Variants in MTF1 observed in about 807,000 individuals in gnomAD.
MTF1 encodes the protein metal regulatory transcription factor 1.
In MTF1, 22 loss-of-function variants were observed where a neutral mutation model predicts 70.4. That is an observed-to-expected ratio of 0.31 (90% confidence interval 0.22 to 0.45). MTF1 has a LOEUF of 0.45. MTF1 is among the 20% of genes least tolerant of loss of function. The probability of loss-of-function intolerance (pLI) is 1.00; values close to 1 mark genes in which losing one functional copy is unlikely to be tolerated. For synonymous variants in MTF1, 333 were observed against 352.8 expected (o/e 0.94, Z 0.63); for missense variants, 649 against 922.0 (o/e 0.70, Z 3.83).
intron 8 of MTF1, 138 bp downstream of exon 8, chr1:37,823,570 ATT>A (rs1640951386): frequency 1.8e-6 from 1 of 559,500 alleles, no homozygotes. Context: ...AAAAGATGGA[ATT>A]AAACTGAAAG....
At chr1:37,823,599 C>G in intron 8 of MTF1, 111 bp downstream of exon 8, 1 of 748,384 alleles carries the variant, frequency 1.3e-6, no homozygotes, top group South Asian at 1.8e-5. Context: ...ACTTTCTGAC[C>G]CTTTATAGAA....
chr1:37,850,141 G>A (rs564195113), intron 2 of MTF1, among the ~76,000 whole-genome samples: 1 of 151,278 alleles, frequency 6.6e-6, no homozygotes, highest in Non-Finnish European at 1.5e-5. Context: ...TGGAGGCTGA[G>A]GTGGCAGGAC....
chr1:37,838,821 T>TTTTTTTTTA (rs1396334608), intron 3 of MTF1, 65 bp from the exon 4 acceptor site: 1 of 1,123,030 alleles, frequency 8.9e-7, no homozygotes, highest in Non-Finnish European at 1.2e-6. Context: ...TTTTTTTTTC[T>TTTTTTTTTA]GAGACAGAGT....
In MTF1 at chr1:37,820,000, C is replaced by T. The variant is rs1569847118; in HGVS notation, c.1767+2121G>A. 1.5e-5 allele frequency among the ~76,000 whole-genome samples: 2 copies of T among 137,646 alleles called. 1 individual carries two copies. Among genetic ancestry groups the T allele is most frequent in the Non-Finnish European group, 3.1e-5 (2 of 65,318 alleles). 90.3% of individuals were successfully genotyped at this position (137,646 alleles called of 152,430 possible). On this transcript the variant is annotated intron_variant, in intron 9 of 10. Transcript: ENST00000373036. ...AAAAAAAAAAAGGAGAAGTGAGACC[C>T]TAAATATCTGAAAAGAAAATGGATG...
intron 6 of MTF1, chr1:37,834,596 G>C: frequency 2.2e-6 from 1 of 456,116 alleles, no homozygotes. Flanking sequence ...TTGTGGAGTG[G>C]ACAGAAGAGG....
chr1:37,840,258 C>A lies in MTF1; in HGVS notation c.409-100G>T, dbSNP rs1054994888. On this transcript the variant is annotated intron_variant, in intron 2 of 10. Coordinates refer to ENST00000373036, the MANE Select transcript of MTF1 (RefSeq NM_005955.3). This position sits in a 1 kb window ranked among gnomAD's most constrained non-coding sequence, Gnocchi z 4.5. ...CTCCCAAGAGATGCTGTGGACAATA[C>A]AACTGGGTTTTCATCATAAACACAG... 1.8e-5 allele frequency: 19 copies of A among 1,072,146 alleles called. No individual in the cohort carries two copies. Among genetic ancestry groups the A allele is most frequent in the Non-Finnish European group, 2.6e-5 (19 of 718,700 alleles). The allele number at this position is 1,072,146 out of a possible 1,614,324, so 66.4% of individuals were successfully genotyped here.
At chr1:37,845,495 TTTA>T (rs1183967494) in intron 2 of MTF1, among the ~76,000 whole-genome samples, 1 of 152,156 alleles carries the variant, frequency 6.6e-6, no homozygotes, top group African/African-American at 2.4e-5. Flanking sequence ...TTGTTTGATT[TTTA>T]TTGATTGATT....
At chr1:37,852,635 C>CAT (rs1641433276) in intron 2 of MTF1, among the ~76,000 whole-genome samples, 2 of 148,342 alleles carry the variant, frequency 1.3e-5, no homozygotes, top group Non-Finnish European at 1.5e-5. Context: ...GATTCAAAAC[C>CAT]TTTTTTTTTT....
intron 2 of MTF1, among the ~76,000 whole-genome samples, chr1:37,847,546 C>T (rs1298662986): frequency 6.6e-6 from 1 of 152,230 alleles, no homozygotes; most frequent in East Asian, 1.9e-4. Flanking sequence ...GAGCCCTTAG[C>T]TCTGCCTGGT....
rs1641516726 is a variant in MTF1 at position 37,857,527 on chromosome 1, A to G, written c.132T>C (p.Tyr44=). The change falls in exon 2 of 11, where the codon TAT becomes TAC. Residue 44 remains tyrosine (Y), a synonymous_variant. Transcript: ENST00000373036. ...GLVPSSSGTV[Y]DRTTVLIEQD... ...GCTCAATAAGAACAGTGGTCCTATC[A>G]TAAACAGTTCCAGATGAGGAAGGCA... 1.2e-6 allele frequency: 2 copies of G among 1,614,096 alleles called. No individual in the cohort carries two copies. Among genetic ancestry groups the G allele is most frequent in the African/African-American group, 1.3e-5 (1 of 74,946 alleles).
chr1:37,859,476 TC>T, intron 1 of MTF1, 54 bp downstream of exon 1: 1 of 398,688 alleles, frequency 2.5e-6, no homozygotes, highest in East Asian at 3.6e-5. Flanking sequence ...GGAGCCTAAG[TC>T]CCGCGCCTCC....
rs199955255 is a variant in MTF1, at chr1:37,844,632, TAAAGCTTACA to T, written c.409-4484_409-4475del. Among the ~76,000 whole-genome samples the T allele has an allele frequency of 1.4e-4, 22 of 152,346 alleles. No individual in the cohort carries two copies. The East Asian group carries it at 3.7e-3, about 25-fold the overall frequency. ...TAAAGGAGTCTGCATGTATCAATCA[TAAAGCTTACA>T]ACAATGCTGAATGATAAGAGCAGAA... On this transcript the variant is annotated intron_variant, in intron 2 of 10. Transcript: ENST00000373036.
chr1:37,842,502 T>TCA (rs1641270525), intron 2 of MTF1, among the ~76,000 whole-genome samples: 1 of 152,218 alleles, frequency 6.6e-6, no homozygotes, highest in Admixed American at 6.5e-5. Context: ...GATGATACCC[T>TCA]CAATGTCTGA....
At chr1:37,823,604 A>T in intron 8 of MTF1, 106 bp downstream of exon 8, 1 of 805,486 alleles carries the variant, frequency 1.2e-6, no homozygotes, top group Non-Finnish European at 2.0e-6. Context: ...CTGACCCTTT[A>T]TAGAAAGCTC....
At chr1:37,826,539 C>T (rs758562090) in intron 7 of MTF1, 1 of 455,178 alleles carries the variant, frequency 2.2e-6, no homozygotes, top group Non-Finnish European at 4.4e-6. Context: ...TCCCAAAGCA[C>T]TGGGATTACA....
At chr1:37,858,016 A>C (rs1002340621) in intron 1 of MTF1, among the ~76,000 whole-genome samples, 1 of 25,552 alleles carries the variant, frequency 3.9e-5, no homozygotes, top group African/African-American at 7.1e-5. Flanking sequence ...CATCTCTAAT[A>C]AAAAAAAAAA....
Position 37,823,698 on chromosome 1 carries a change from C to A in MTF1, c.1171+12G>T. The A allele has an allele frequency of 6.3e-7, 1 of 1,593,596 alleles. No individual in the cohort carries two copies. The highest frequency in any genetic ancestry group is 2.2e-5 in the East Asian group (1 of 44,776). Reference sequence around the variant, plus strand: ...TGCTTAGATGTGAGTAGAAAGAGTCCGTGTGACAAACCTGTCTGTTGAGGA... The same window carrying A: ...TGCTTAGATGTGAGTAGAAAGAGTCAGTGTGACAAACCTGTCTGTTGAGGA... On this transcript the variant is annotated intron_variant, in intron 8 of 10. Transcript: ENST00000373036.
Position 37,838,635 on chromosome 1 carries a change from T to A in MTF1, c.769A>T (p.Lys257Ter). The A allele has an allele frequency of 6.2e-7, 1 of 1,611,976 alleles. No homozygotes were observed. Reference protein sequence around the residue: ...RKHIRTHTGEKPFRCDHDGCG... With the variant: ...RKHIRTHTGE ...AACAGTAAGACCTACCGAAATGGCT[T>A]TTCCCCTGTATGAGTTCGAATGTGC... Residue 257 changes from lysine (K) to a stop codon, truncating the protein, a stop_gained, in exon 4 of 11, where the codon AAG becomes TAG. Transcript: ENST00000373036. LOFTEE classifies it high-confidence loss of function.
At position 37,809,968 on chromosome 1, in the gene MTF1, A is replaced by G. The variant is rs1489285483; in HGVS notation, c.*5168T>C. The G allele has an allele frequency of 6.6e-6, 1 of 152,546 alleles. No individual in the cohort carries two copies. The highest frequency in any genetic ancestry group is 2.4e-5 in the African/African-American group (1 of 41,434). The allele number at this position is 152,546 out of a possible 1,614,324, so 9.4% of individuals were successfully genotyped here. A position where few individuals can be genotyped will look rare whatever the true frequency, so the allele number is the denominator to read the frequency against. On this transcript the variant is annotated 3_prime_UTR_variant, in exon 11 of 11. Coordinates refer to ENST00000373036, the MANE Select transcript of MTF1 (RefSeq NM_005955.3). ...TTGGGGGCTCTTGCCTTTCCTGGCT[A>G]GAAGATCTGAGCCAGAAATTCAGCA...
Sources: allele counts gnomAD v4.1 joint callset (sites outside exome capture counted in the v4.1 genomes callset), GRCh38; gene constraint gnomAD v4.1.1; non-coding constraint Gnocchi (gnomAD v3.1); transcripts MANE v1.5; gene names NCBI Gene and HGNC (gene_info 2026-07-23, HGNC 2026-07-21).